Variants in VAV2 observed in about 807,000 individuals in gnomAD.
VAV2 encodes the protein vav guanine nucleotide exchange factor 2, also known as guanine nucleotide exchange factor VAV2.
In VAV2, 67 loss-of-function variants were observed where a neutral mutation model predicts 132.5. The observed-to-expected ratio is 0.51, with a 90% CI of 0.42 to 0.62. The LOEUF (loss-of-function observed/expected upper bound fraction) is 0.62. Among genes scored for constraint, VAV2 ranks in the 20% least tolerant of loss-of-function variants. VAV2 has a pLI of 0.00. For synonymous variants in VAV2, 492 were observed against 443.5 expected (o/e 1.11, Z -1.37); for missense variants, 938 against 1,153.6 (o/e 0.81, Z 2.71).
Position 133,789,186 on chromosome 9 carries a change from G to C in VAV2, c.1274+72C>G, listed in dbSNP as rs1834352371. On this transcript the variant is annotated intron_variant, in intron 14 of 29. Transcript: ENST00000371850. ...AGGCCTGGCTTCCAGAGCCACTTAGGAGTGGCTCCCTGGGAGGGAGAGCCA... is the reference window on the plus strand; with the variant it reads ...AGGCCTGGCTTCCAGAGCCACTTAGCAGTGGCTCCCTGGGAGGGAGAGCCA... 8 of 1,532,774 alleles carry C rather than the reference G, an allele frequency of 5.2e-6. No individual in the cohort carries two copies. In the South Asian group the frequency reaches 8.1e-5, roughly 15 times the overall value. 94.9% of individuals were successfully genotyped at this position (1,532,774 alleles called of 1,614,324 possible). A position where few individuals can be genotyped will look rare whatever the true frequency, so the allele number is the denominator to read the frequency against.
chr9:133,869,366 G>A (rs1255144769), intron 2 of VAV2, among the ~76,000 whole-genome samples: 2 of 152,086 alleles, frequency 1.3e-5, no homozygotes, highest in African/African-American at 2.4e-5. Flanking sequence ...AGCACTCTGG[G>A]AGGCTGAGAC....
intron 1 of VAV2, among the ~76,000 whole-genome samples, chr9:133,972,451 C>A (rs1842367776): frequency 6.6e-6 from 1 of 151,928 alleles, no homozygotes; most frequent in South Asian, 2.1e-4. Flanking sequence ...GGAGATTCAC[C>A]CAAAGAAAGC....
chr9:133,768,028 T>C lies in VAV2; in HGVS notation c.2589+414A>G, dbSNP rs1833493628. On this transcript the variant is annotated intron_variant, in intron 29 of 29. Transcript: ENST00000371850. The surrounding 1 kb of genome is among the most constrained non-coding windows in gnomAD (Gnocchi z 5.3). The stretch of plus-strand genomic sequence containing the variant: ...CCTCACCAGGGCATAGATAGGGCCT[T>C]AGAAAATGGCAGGAGGAGCCCAGCA... Among the ~76,000 whole-genome samples the C allele has an allele frequency of 6.6e-6, 1 of 152,102 alleles. No individual in the cohort carries two copies. Among genetic ancestry groups the C allele is most frequent in the Admixed American group, 6.5e-5 (1 of 15,282 alleles).
In VAV2 at chr9:133,762,016, A is replaced by G. The variant is rs1201797541; in HGVS notation, c.*2046T>C. ...AGCTGGGGGGGCCCCCAGATCCCTGACCCACATGCATCGGGCTCCCACATG... is the reference window on the plus strand; with the variant it reads ...AGCTGGGGGGGCCCCCAGATCCCTGGCCCACATGCATCGGGCTCCCACATG... On this transcript the variant is annotated 3_prime_UTR_variant, in exon 30 of 30. Transcript: ENST00000371850. This position sits in a 1 kb window ranked among gnomAD's most constrained non-coding sequence, Gnocchi z 5.0. 6.6e-6 allele frequency: 1 copy of G among 152,538 alleles called. No individual in the cohort carries two copies. The highest frequency in any genetic ancestry group is 1.5e-5 in the Non-Finnish European group (1 of 68,030). The allele number at this position is 152,538 out of a possible 1,614,324, so 9.4% of individuals were successfully genotyped here.
In VAV2 at chr9:133,934,868, T is replaced by C. The variant is rs568907115; in HGVS notation, c.321+4235A>G. On this transcript the variant is annotated intron_variant, in intron 2 of 29. Transcript: ENST00000371850. The stretch of plus-strand genomic sequence containing the variant: ...CGGCTGCTTCTGTCTCTCTGGTCTC[T>C]GGAGGGCCCTGACTAATGCGCCGGC... Among the ~76,000 whole-genome samples, 9 of 152,336 alleles carry C rather than the reference T, an allele frequency of 5.9e-5. No homozygotes were observed. In the East Asian group the frequency reaches 1.7e-3, roughly 29 times the overall value.
Position 133,826,899 on chromosome 9 carries a change from G to T in VAV2, c.449+7373C>A, listed in dbSNP as rs1471822749. On this transcript the variant is annotated intron_variant, in intron 4 of 29. Coordinates refer to ENST00000371850, the MANE Select transcript of VAV2 (RefSeq NM_001134398.2). This position sits in a 1 kb window ranked among gnomAD's most constrained non-coding sequence, Gnocchi z 4.2. ...AGGCAAGGGCAACCCTGCCACAGCG[G>T]CACCAGTGTCCTCGCAAGACGCACT... Among the ~76,000 whole-genome samples the T allele has an allele frequency of 6.6e-6, 1 of 152,148 alleles. No individual in the cohort carries two copies. Among genetic ancestry groups the T allele is most frequent in the Non-Finnish European group, 1.5e-5 (1 of 68,016 alleles).
intron 23 of VAV2, 116 bp from the exon 24 acceptor site, chr9:133,776,196 C>T: frequency 5.0e-6 from 7 of 1,411,604 alleles, no homozygotes; most frequent in Non-Finnish European, 6.6e-6. Context: ...CTGGAGGGGA[C>T]TGTCTGTGGA....
At chr9:133,960,774 G>A (rs1469216248) in intron 1 of VAV2, among the ~76,000 whole-genome samples, 2 of 152,174 alleles carry the variant, frequency 1.3e-5, no homozygotes, top group African/African-American at 2.4e-5. Flanking sequence ...CAGGAGTCCC[G>A]AACCCAGAGA....
intron 1 of VAV2, among the ~76,000 whole-genome samples, chr9:133,977,751 G>A (rs969217598): frequency 1.3e-5 from 2 of 152,210 alleles, no homozygotes; most frequent in African/African-American, 4.8e-5. Context: ...CCACAGACAC[G>A]CCAGAGAACA....
At position 133,834,446 on chromosome 9, in the gene VAV2, A is replaced by G; in HGVS notation, c.381-106T>C. 2 of 1,169,142 alleles carry G rather than the reference A, an allele frequency of 1.7e-6. No individual in the cohort carries two copies. The highest frequency in any genetic ancestry group is 2.4e-6 in the Non-Finnish European group (2 of 818,870). 72.4% of individuals were successfully genotyped at this position (1,169,142 alleles called of 1,614,324 possible). A position where few individuals can be genotyped will look rare whatever the true frequency, so the allele number is the denominator to read the frequency against. The stretch of plus-strand genomic sequence containing the variant: ...AGCCCAGTGTGGCCCAGCCAGGAGC[A>G]AAGGGGCTCTTGTCCACTCTCTGGA... On this transcript the variant is annotated intron_variant, in intron 3 of 29. Transcript: ENST00000371850. The surrounding 1 kb of genome is among the most constrained non-coding windows in gnomAD (Gnocchi z 5.9).
intron 19 of VAV2, among the ~76,000 whole-genome samples, chr9:133,782,530 A>G (rs1023911767): frequency 1.3e-5 from 2 of 152,150 alleles, no homozygotes; most frequent in Non-Finnish European, 2.9e-5. Context: ...CTGGGCTGGC[A>G]CTCACAGTAA....
At chr9:133,975,739 G>A (rs926990828) in intron 1 of VAV2, among the ~76,000 whole-genome samples, 2 of 152,184 alleles carry the variant, frequency 1.3e-5, no homozygotes, top group Admixed American at 6.5e-5. Context: ...AGAGAGTGTT[G>A]AGCTCTAAGA....
intron 3 of VAV2, among the ~76,000 whole-genome samples, chr9:133,838,457 A>AGGTGGGTGGGTG (rs1192835167): frequency 1.4e-5 from 1 of 73,950 alleles, no homozygotes; most frequent in African/African-American, 6.5e-5. Context: ...GTGGGTAAGT[A>AGGTGGGTGGGTG]GGTGGGTGGG....
At chr9:133,813,197 G>GCCC (rs1835423049) in intron 4 of VAV2, among the ~76,000 whole-genome samples, 1 of 152,212 alleles carries the variant, frequency 6.6e-6, no homozygotes, top group Non-Finnish European at 1.5e-5. Flanking sequence ...AGTCCTGCAA[G>GCCC]CCCTCACCCC....
intron 25 of VAV2, among the ~76,000 whole-genome samples, chr9:133,773,061 GCAGAGC>G (rs1833690797): frequency 1.4e-5 from 2 of 144,574 alleles, no homozygotes; most frequent in Non-Finnish European, 3.1e-5. Context: ...AGGCTGGACG[GCAGAGC>G]CTACTGCACA....
rs569242784 is a variant in VAV2 at position 133,838,729 on chromosome 9, G to A, written c.381-4389C>T. 4.2e-3 allele frequency among the ~76,000 whole-genome samples: 622 copies of A among 148,042 alleles called. 2 individuals carry two copies. The highest frequency in any genetic ancestry group is 0.015 in the African/African-American group (592 of 39,930). On this transcript the variant is annotated intron_variant, in intron 3 of 29. Coordinates refer to ENST00000371850, the MANE Select transcript of VAV2 (RefSeq NM_001134398.2). The stretch of plus-strand genomic sequence containing the variant: ...TGGGTGGATTGATGGATGGGTGGGT[G>A]GATGAATGGGTGGGTGGATGAATGG...
At chr9:133,959,225 G>A (rs898430053) in intron 1 of VAV2, among the ~76,000 whole-genome samples, 9 of 152,198 alleles carry the variant, frequency 5.9e-5, no homozygotes, top group African/African-American at 1.9e-4. Flanking sequence ...CTCAGAACCT[G>A]CTGGGCCAAG....
intron 25 of VAV2, among the ~76,000 whole-genome samples, chr9:133,773,986 T>G (rs1318403398): frequency 6.6e-6 from 1 of 152,214 alleles, no homozygotes; most frequent in Admixed American, 6.5e-5. Flanking sequence ...AGCTCCATTA[T>G]AATCTTACGG....
intron 2 of VAV2, among the ~76,000 whole-genome samples, chr9:133,905,292 C>T (rs1482213323): frequency 2.0e-5 from 3 of 151,570 alleles, no homozygotes; most frequent in Non-Finnish European, 2.9e-5. Context: ...AAAAATTAGC[C>T]GGGCGTGGTG....
Sources: allele counts gnomAD v4.1 joint callset (sites outside exome capture counted in the v4.1 genomes callset), GRCh38; gene constraint gnomAD v4.1.1; non-coding constraint Gnocchi (gnomAD v3.1); transcripts MANE v1.5; gene names NCBI Gene and HGNC (gene_info 2026-07-23, HGNC 2026-07-21).